Variants in CA8 observed in about 807,000 individuals in gnomAD.
The protein encoded by CA8 is carbonic anhydrase 8 (inactive).
Under a neutral mutation model 41.4 loss-of-function variants are expected in CA8, and 22 were observed. That is an observed-to-expected ratio of 0.53 (90% confidence interval 0.38 to 0.76). CA8 has a LOEUF of 0.76. CA8 is among the 30% of genes least tolerant of loss of function. The pLI is 0.00. For synonymous variants in CA8, 121 were observed against 130.6 expected, an observed-to-expected ratio of 0.93 and a Z score of 0.50; for missense variants, 270 against 352.8, an observed-to-expected ratio of 0.77 and a Z score of 1.88.
chr8:60,224,310 C>T (rs946356800), intron 6 of CA8, among the ~76,000 whole-genome samples: 5 of 152,184 alleles, frequency 3.3e-5, no homozygotes, highest in African/African-American at 9.7e-5. Context: ...GACAATCCTA[C>T]GAAAGCTCTT....
intron 8 of CA8, among the ~76,000 whole-genome samples, chr8:60,205,461 C>T (rs1806546938): frequency 6.6e-6 from 1 of 152,048 alleles, no homozygotes; most frequent in Non-Finnish European, 1.5e-5. Context: ...TAAACTGGAC[C>T]TTAAACTTGT....
At chr8:60,211,064 G>A (rs545281459) in intron 7 of CA8, among the ~76,000 whole-genome samples, 4 of 152,270 alleles carry the variant, frequency 2.6e-5, no homozygotes, top group South Asian at 2.1e-4. Context: ...AATTCTTGTC[G>A]TGCTCTGCCA....
intron 3 of CA8, among the ~76,000 whole-genome samples, chr8:60,252,187 A>G (rs150964046): frequency 2.5e-3 from 381 of 152,358 alleles, no homozygotes; most frequent in African/African-American, 8.8e-3. Context: ...AAACAGCATG[A>G]ACAATAAGAA....
chr8:60,202,719 T>A (rs1478677970), intron 8 of CA8, among the ~76,000 whole-genome samples: 1 of 152,112 alleles, frequency 6.6e-6, no homozygotes, highest in Non-Finnish European at 1.5e-5. Context: ...TCTACCATAC[T>A]CCCTATTTTA....
At chr8:60,239,718 A>C (rs570281226) in intron 3 of CA8, among the ~76,000 whole-genome samples, 6 of 152,110 alleles carry the variant, frequency 3.9e-5, no homozygotes, top group Non-Finnish European at 7.4e-5. Context: ...CATAATTCTC[A>C]CTTGTTGTGG....
At chr8:60,261,468 T>G (rs1287579118) in intron 3 of CA8, among the ~76,000 whole-genome samples, 2 of 152,182 alleles carry the variant, frequency 1.3e-5, no homozygotes, top group Non-Finnish European at 2.9e-5. Context: ...GAAAGTCAGG[T>G]TCCCCATACA....
At chr8:60,263,881 T>C (rs977622711) in intron 3 of CA8, among the ~76,000 whole-genome samples, 1 of 152,228 alleles carries the variant, frequency 6.6e-6, no homozygotes, top group Non-Finnish European at 1.5e-5. Flanking sequence ...CTCAACAGGA[T>C]AGAGCACTAA....
intron 2 of CA8, among the ~76,000 whole-genome samples, chr8:60,270,183 T>C (rs1804024385): frequency 6.6e-6 from 1 of 152,186 alleles, no homozygotes; most frequent in Admixed American, 6.5e-5. Context: ...ATATCTGCAA[T>C]TTAAAGTATT....
intron 3 of CA8, among the ~76,000 whole-genome samples, chr8:60,260,454 T>C (rs1300114446): frequency 6.6e-6 from 1 of 152,182 alleles, no homozygotes; most frequent in Non-Finnish European, 1.5e-5. Flanking sequence ...GTGGGGTGCT[T>C]ACAGACATCA....
intron 3 of CA8, among the ~76,000 whole-genome samples, chr8:60,261,507 C>G (rs1255580357): frequency 7.2e-5 from 11 of 152,216 alleles, no homozygotes; most frequent in Non-Finnish European, 8.8e-5. Context: ...TGGGCAGGAT[C>G]AGTGCCTATC....
intron 8 of CA8, among the ~76,000 whole-genome samples, chr8:60,203,213 AC>A (rs1806483469): frequency 6.6e-6 from 1 of 152,120 alleles, no homozygotes; most frequent in Non-Finnish European, 1.5e-5. Flanking sequence ...TCTAGGAGTG[AC>A]CCAAAAAAGG....
chr8:60,264,618 G>A (rs1267530435), intron 3 of CA8, among the ~76,000 whole-genome samples: 1 of 152,194 alleles, frequency 6.6e-6, no homozygotes, highest in Non-Finnish European at 1.5e-5. Context: ...CTCCTAGACA[G>A]GTAAGCTCTG....
At chr8:60,215,766 T>C (rs747058636) in intron 7 of CA8, among the ~76,000 whole-genome samples, 1 of 152,142 alleles carries the variant, frequency 6.6e-6, no homozygotes, top group Non-Finnish European at 1.5e-5. Flanking sequence ...CTCAGGACAA[T>C]GTATGATGGG....
intron 7 of CA8, among the ~76,000 whole-genome samples, chr8:60,214,764 A>G (rs1806957157): frequency 6.6e-6 from 1 of 152,182 alleles, no homozygotes; most frequent in African/African-American, 2.4e-5. Context: ...GGAAACATGG[A>G]ATGCAGAGGG....
At chr8:60,272,745 T>G (rs2130618241) in intron 2 of CA8, among the ~76,000 whole-genome samples, 1 of 152,234 alleles carries the variant, frequency 6.6e-6, no homozygotes, top group East Asian at 1.9e-4. Flanking sequence ...CCTACCATTG[T>G]ATCCTCCTTG....
At chr8:60,210,146 G>C (rs1015153942) in intron 7 of CA8, among the ~76,000 whole-genome samples, 4 of 152,150 alleles carry the variant, frequency 2.6e-5, no homozygotes, top group Admixed American at 2.0e-4. Flanking sequence ...ACAATTCCAA[G>C]TCTACCTGCT....
intron 8 of CA8, among the ~76,000 whole-genome samples, chr8:60,199,311 G>A (rs952491904): frequency 4.6e-5 from 7 of 151,922 alleles, no homozygotes; most frequent in African/African-American, 1.2e-4. Context: ...CTATGTATGC[G>A]GAGTAACCAT....
At chr8:60,263,384 C>T (rs1226169135) in intron 3 of CA8, among the ~76,000 whole-genome samples, 1 of 149,958 alleles carries the variant, frequency 6.7e-6, no homozygotes, top group Admixed American at 6.6e-5. Flanking sequence ...TAAGTATTTG[C>T]TTATAGTGTC....
At chr8:60,265,826 A>G (rs1396055041) in intron 3 of CA8, 99 bp downstream of exon 3, 4 of 1,300,500 alleles carry the variant, frequency 3.1e-6, no homozygotes, top group Non-Finnish European at 4.4e-6. Flanking sequence ...ATAAAATTCA[A>G]GAGCTATGCA....
Sources: allele counts gnomAD v4.1 joint callset (sites outside exome capture counted in the v4.1 genomes callset), GRCh38; gene constraint gnomAD v4.1.1; transcripts MANE v1.5; gene names NCBI Gene and HGNC (gene_info 2026-07-23, HGNC 2026-07-21).